Variants in PRKG1 observed in about 807,000 individuals in gnomAD.
The protein encoded by PRKG1 is cGMP-dependent protein kinase 1.
PRKG1 carries 35 observed loss-of-function variants against 88.1 expected under a neutral mutation model. The ratio of observed to expected loss-of-function variants is 0.40; its 90% CI spans 0.30 to 0.53. The LOEUF is 0.53. Among genes scored for constraint, PRKG1 ranks in the 20% least tolerant of loss-of-function variants. The probability of loss-of-function intolerance (pLI) is 0.59; values close to 1 mark genes in which losing one functional copy is unlikely to be tolerated. For synonymous variants in PRKG1, 303 were observed against 292.5 expected, an observed-to-expected ratio of 1.04 and a Z score of -0.37; for missense variants, 540 against 839.8, an observed-to-expected ratio of 0.64 and a Z score of 4.41.
chr10:52,081,682 C>A (rs1564460807), intron 7 of PRKG1: 1 of 456,504 alleles, frequency 2.2e-6, no homozygotes. Context: ...GAAAAAGAAG[C>A]TAGAAGATGA....
intron 1 of PRKG1, among the ~76,000 whole-genome samples, chr10:51,012,764 G>A (rs1181933691): frequency 6.6e-6 from 1 of 152,232 alleles, no homozygotes; most frequent in Non-Finnish European, 1.5e-5. Flanking sequence ...AAGTCAAATT[G>A]TGATGAATTA....
chr10:51,699,353 T>C, intron 3 of PRKG1: 1 of 1,614,008 alleles, frequency 6.2e-7, no homozygotes, highest in Non-Finnish European at 8.5e-7. Context: ...GGTCTCCTGG[T>C]CTTGGTATTC....
intron 2 of PRKG1, among the ~76,000 whole-genome samples, chr10:51,448,233 G>A (rs550851257): frequency 6.6e-6 from 1 of 151,994 alleles, no homozygotes; most frequent in South Asian, 2.1e-4. Flanking sequence ...GGGCAATAGA[G>A]CAAGACCCTG....
intron 3 of PRKG1, among the ~76,000 whole-genome samples, chr10:51,492,620 T>G (rs1176989634): frequency 1.3e-5 from 2 of 152,190 alleles, no homozygotes; most frequent in African/African-American, 4.8e-5. Flanking sequence ...AATTTCTATT[T>G]GTTTTGACTG....
At position 52,190,643 on chromosome 10, in the gene PRKG1, T is replaced by G. The variant is rs117351509; in HGVS notation, c.1076+28680T>G. Reference sequence around the variant, plus strand: ...AACTTGTAAATGGTACAGTGGAGATTAACTCTGACTACCAGATGTCTATTG... The same window carrying G: ...AACTTGTAAATGGTACAGTGGAGATGAACTCTGACTACCAGATGTCTATTG... On this transcript the variant is annotated intron_variant, in intron 9 of 17. Transcript: ENST00000373980. Among the ~76,000 whole-genome samples, 21 of 152,292 alleles carry G rather than the reference T, an allele frequency of 1.4e-4. 1 individual carries two copies. The East Asian group carries it at 4.0e-3, about 29-fold the overall frequency.
chr10:51,820,290 T>A (rs1167441698), intron 4 of PRKG1, among the ~76,000 whole-genome samples: 2 of 152,182 alleles, frequency 1.3e-5, no homozygotes, highest in African/African-American at 4.8e-5. Flanking sequence ...AATATTAAAA[T>A]TTTCCAAACT....
chr10:52,016,543 TA>T (rs1404759698), intron 5 of PRKG1, among the ~76,000 whole-genome samples: 1 of 152,192 alleles, frequency 6.6e-6, no homozygotes, highest in East Asian at 1.9e-4. Flanking sequence ...GTCTTTAATT[TA>T]GAAAAGTGAA....
chr10:52,245,995 T>C (rs1841013389), intron 9 of PRKG1, among the ~76,000 whole-genome samples: 1 of 152,122 alleles, frequency 6.6e-6, no homozygotes, highest in Non-Finnish European at 1.5e-5. Context: ...TGTAAAATAA[T>C]GCTGAGTTAC....
intron 5 of PRKG1, among the ~76,000 whole-genome samples, chr10:51,943,710 A>G (rs540452238): frequency 5.2e-4 from 79 of 152,194 alleles, no homozygotes; most frequent in Admixed American, 1.2e-3. Context: ...TATTCAGATA[A>G]TCGTGTGGTT....
At chr10:51,565,740 A>G (rs911421205) in intron 3 of PRKG1, among the ~76,000 whole-genome samples, 3 of 152,100 alleles carry the variant, frequency 2.0e-5, no homozygotes, top group Admixed American at 6.6e-5. Flanking sequence ...CTCTGTTCAA[A>G]TTAGAAGGGA....
At position 52,038,640 on chromosome 10, in the gene PRKG1, T is replaced by C. The variant is rs373972658; in HGVS notation, c.763-15844T>C. On this transcript the variant is annotated intron_variant, in intron 5 of 17. Transcript: ENST00000373980. ...CAAGGAGAGAAGGGGTTGAGGTACT[T>C]GCCCCTTTCCCAGAAAAGTGGGACT... 1.5e-4 allele frequency among the ~76,000 whole-genome samples: 23 copies of C among 152,106 alleles called. No individual in the cohort carries two copies. In the East Asian group the frequency reaches 4.1e-3, roughly 27 times the overall value.
chr10:51,659,318 T>C (rs183320373), intron 3 of PRKG1, among the ~76,000 whole-genome samples: 8 of 152,162 alleles, frequency 5.3e-5, no homozygotes, highest in East Asian at 1.9e-4. Flanking sequence ...AGGGTAATCA[T>C]TGTGATCTGG....
Position 50,991,450 on chromosome 10 carries a change from G to A in PRKG1, c.72G>A (p.Lys24=), listed in dbSNP as rs907161119. The A allele has an allele frequency of 1.3e-5, 21 of 1,602,990 alleles. No individual in the cohort carries two copies. The highest frequency in any genetic ancestry group is 1.8e-5 in the Non-Finnish European group (21 of 1,175,230). The change falls in exon 1 of 18, where the codon AAG becomes AAA. Residue 24 remains lysine, a synonymous_variant. Transcript: ENST00000401604. The surrounding 1 kb of genome is among the most constrained non-coding windows in gnomAD (Gnocchi z 4.5). Reference sequence around the variant, plus strand: ...AGGAGAGGATCAAAGAGCTGGAGAAGCGGCTGTCAGAGAAGGAGGAAGAAA... The same window carrying A: ...AGGAGAGGATCAAAGAGCTGGAGAAACGGCTGTCAGAGAAGGAGGAAGAAA...
rs1331266614 is a variant in PRKG1 at position 52,166,912 on chromosome 10, C to T, written c.1076+4949C>T. ...ACACACACACACACACACACACACA[C>T]ACACATATATATAAGCCAAGATAGA... On this transcript the variant is annotated intron_variant, in intron 9 of 17. Transcript: ENST00000373980. Among the ~76,000 whole-genome samples, 4 of 129,420 alleles carry T rather than the reference C, an allele frequency of 3.1e-5. No homozygotes were observed. The East Asian group carries it at 9.8e-4, about 32-fold the overall frequency. 84.9% of individuals were successfully genotyped at this position (129,420 alleles called of 152,430 possible). A position where few individuals can be genotyped will look rare whatever the true frequency, so the allele number is the denominator to read the frequency against.
At chr10:51,368,770 T>G (rs555308209) in intron 2 of PRKG1, among the ~76,000 whole-genome samples, 1 of 152,152 alleles carries the variant, frequency 6.6e-6, no homozygotes, top group East Asian at 1.9e-4. Flanking sequence ...ATCAAAATCG[T>G]TTTGCCACAC....
At chr10:51,738,574 A>T (rs1837351470) in intron 3 of PRKG1, among the ~76,000 whole-genome samples, 1 of 152,156 alleles carries the variant, frequency 6.6e-6, no homozygotes, top group African/African-American at 2.4e-5. Flanking sequence ...ACATGGATGG[A>T]AGGGAATGGG....
At chr10:52,139,257 CA>C (rs1297841744) in intron 8 of PRKG1, among the ~76,000 whole-genome samples, 1 of 152,098 alleles carries the variant, frequency 6.6e-6, no homozygotes, top group Non-Finnish European at 1.5e-5. Flanking sequence ...CAATTAGAGA[CA>C]AATTGGTGTC....
intron 5 of PRKG1, among the ~76,000 whole-genome samples, chr10:51,979,410 G>GTTTTTTT (rs61150252): frequency 0.015 from 693 of 47,040 alleles, 107 homozygotes; most frequent in Non-Finnish European, 0.017. Flanking sequence ...ATATTGGTCT[G>GTTTTTTT]TTTTTTTTTT....
intron 7 of PRKG1, among the ~76,000 whole-genome samples, chr10:52,073,608 C>A (rs1378197535): frequency 6.6e-6 from 1 of 152,132 alleles, no homozygotes; most frequent in East Asian, 1.9e-4. Flanking sequence ...AGTGGCTGAA[C>A]TTACAACAAT....
Sources: allele counts gnomAD v4.1 joint callset (sites outside exome capture counted in the v4.1 genomes callset), GRCh38; gene constraint gnomAD v4.1.1; non-coding constraint Gnocchi (gnomAD v3.1); transcripts MANE v1.5; gene names NCBI Gene and HGNC (gene_info 2026-07-23, HGNC 2026-07-21).